INSC: variants seen among roughly 807,000 people sequenced by gnomAD.
INSC encodes INSC spindle orientation adaptor protein, also known as protein inscuteable homolog.
In INSC, 67 loss-of-function variants were observed where a neutral mutation model predicts 58.6. That is an observed-to-expected ratio of 1.14 (90% CI 0.94 to 1.40). The LOEUF (loss-of-function observed/expected upper bound fraction) is 1.40. INSC is among the 40% of genes most tolerant of loss of function. The pLI is 0.00. For synonymous variants in INSC, 262 were observed against 276.1 expected, an observed-to-expected ratio of 0.95 and a Z score of 0.51; for missense variants, 714 against 692.0, an observed-to-expected ratio of 1.03 and a Z score of -0.36.
intron 11 of INSC, 95 bp from the exon 12 acceptor site, chr11:15,240,352 T>C (rs574814144): frequency 5.9e-5 from 62 of 1,056,028 alleles, no homozygotes; most frequent in Non-Finnish European, 8.5e-5. Flanking sequence ...TCCCCTTCTC[T>C]GGCAGATTGG....
chr11:15,255,734 GTA>G, the INSC span, among the ~76,000 whole-genome samples: 888 of 129,966 alleles, frequency 6.8e-3, 11 homozygotes, highest in African/African-American at 0.021. Flanking sequence ...GTAAGTGTGT[GTA>G]TGTGTGTGTG....
At chr11:15,254,599 G>A in the INSC span, among the ~76,000 whole-genome samples, 2 of 152,154 alleles carry the variant, frequency 1.3e-5, no homozygotes, top group Admixed American at 6.6e-5. Context: ...TAGTGCCTTA[G>A]GCATAGGATT....
chr11:15,143,039 T>C (rs1039418132), intron 1 of INSC, among the ~76,000 whole-genome samples: 1 of 152,114 alleles, frequency 6.6e-6, no homozygotes, highest in Non-Finnish European at 1.5e-5. Context: ...GAAGCTGAGC[T>C]TCCTTCCACA....
At chr11:15,266,230 A>G in the INSC span, among the ~76,000 whole-genome samples, 1 of 151,866 alleles carries the variant, frequency 6.6e-6, no homozygotes, top group Non-Finnish European at 1.5e-5. Context: ...CTAGAATAAG[A>G]TCAAGATCAA....
rs954670694 is a variant in INSC, at chr11:15,190,626, A to C, written c.580-75A>C. ...TGGTTGCTGTTAGGAGCATGGGCCC[A>C]CTGGTGTTCCACTAAGATGAGCAGA... On this transcript the variant is annotated intron_variant, in intron 5 of 12. Coordinates refer to ENST00000379556, the MANE Select transcript of INSC (RefSeq NM_001042536.3). 1.7e-5 allele frequency: 17 copies of C among 990,916 alleles called. No homozygotes were observed. The African/African-American group carries it at 2.7e-4, about 16-fold the overall frequency. The allele number at this position is 990,916 out of a possible 1,614,324, so 61.4% of individuals were successfully genotyped here.
chr11:15,238,790 C>T, intron 10 of INSC, 129 bp from the exon 11 acceptor site: 2 of 850,680 alleles, frequency 2.4e-6, no homozygotes, highest in South Asian at 3.6e-5. Flanking sequence ...CAGCTTCCTC[C>T]CTGTGGGTGA....
At chr11:15,134,114 A>T (rs1307420129) in intron 1 of INSC, among the ~76,000 whole-genome samples, 1 of 152,168 alleles carries the variant, frequency 6.6e-6, no homozygotes, top group Non-Finnish European at 1.5e-5. Flanking sequence ...TAAAATGGGG[A>T]TAATAGTAGT....
chr11:15,194,291 G>A (rs1055770028), intron 6 of INSC, among the ~76,000 whole-genome samples: 1 of 152,154 alleles, frequency 6.6e-6, no homozygotes, highest in Non-Finnish European at 1.5e-5. Flanking sequence ...ATGTCCTTCG[G>A]TAGACTTAAG....
At chr11:15,215,819 ACCT>A (rs1418842698) in intron 7 of INSC, among the ~76,000 whole-genome samples, 7 of 152,000 alleles carry the variant, frequency 4.6e-5, no homozygotes, top group African/African-American at 1.7e-4. Flanking sequence ...AACAGAGATG[ACCT>A]CTTCTGGGTG....
chr11:15,114,128 G>GA (rs1847635425), upstream of INSC, among the ~76,000 whole-genome samples: 1 of 151,574 alleles, frequency 6.6e-6, no homozygotes, highest in African/African-American at 2.4e-5. Flanking sequence ...GGAGGCGGGG[G>GA]AGGGGGAGTT....
chr11:15,127,438 C>T (rs1436154320), intron 1 of INSC, among the ~76,000 whole-genome samples: 1 of 152,136 alleles, frequency 6.6e-6, no homozygotes, highest in Non-Finnish European at 1.5e-5. Context: ...CTTGAAAAGT[C>T]AGAGGGATTT....
chr11:15,161,661 G>A (rs941771317), intron 2 of INSC, among the ~76,000 whole-genome samples: 1 of 152,204 alleles, frequency 6.6e-6, no homozygotes, highest in Non-Finnish European at 1.5e-5. Context: ...AAATGCTGGG[G>A]CAGGATTTAC....
intron 6 of INSC, among the ~76,000 whole-genome samples, chr11:15,197,776 C>T (rs550529145): frequency 6.6e-6 from 1 of 152,296 alleles, no homozygotes; most frequent in Non-Finnish European, 1.5e-5. Context: ...AAAATTATCC[C>T]CCCCACCAAT....
chr11:15,200,866 A>G lies in INSC; in HGVS notation c.736A>G (p.Ser246Gly), dbSNP rs375629663. 5 of 1,613,996 alleles carry G rather than the reference A, an allele frequency of 3.1e-6. No individual in the cohort carries two copies. The East Asian group carries it at 6.7e-5, about 22-fold the overall frequency. The change falls in exon 7 of 13, where the codon AGT (serine) becomes GGT (glycine). Residue 246 changes from serine (S) to glycine (G), a missense_variant. Transcript: ENST00000379556. Reference protein sequence around the residue: ...VALFKVCRQDSFRCLYPQALR... With the variant: ...VALFKVCRQDGFRCLYPQALR... Reference sequence around the variant, plus strand: ...ACTCTTCAAGGTTTGCCGGCAGGACAGTTTCCGGTGCTTGTACCCCCAGGC... The same window carrying G: ...ACTCTTCAAGGTTTGCCGGCAGGACGGTTTCCGGTGCTTGTACCCCCAGGC...
intron 12 of INSC, among the ~76,000 whole-genome samples, chr11:15,243,344 C>T (rs72857795): frequency 2.0e-5 from 3 of 152,246 alleles, no homozygotes; most frequent in Admixed American, 1.3e-4. Context: ...TATTGTCTCC[C>T]CTGTCTGGGA....
intron 1 of INSC, among the ~76,000 whole-genome samples, chr11:15,142,426 T>C (rs986067319): frequency 6.6e-6 from 1 of 152,236 alleles, no homozygotes; most frequent in Non-Finnish European, 1.5e-5. Flanking sequence ...CTCTTCCTTT[T>C]AGCCTCCTTT....
chr11:15,202,726 G>GCTA (rs1272975863), intron 7 of INSC, among the ~76,000 whole-genome samples: 2 of 152,194 alleles, frequency 1.3e-5, no homozygotes, highest in Non-Finnish European at 1.5e-5. Context: ...CGATTGTATG[G>GCTA]CTTTAGTGAG....
intron 2 of INSC, among the ~76,000 whole-genome samples, chr11:15,150,245 G>A (rs1848608047): frequency 6.6e-6 from 1 of 152,178 alleles, no homozygotes; most frequent in African/African-American, 2.4e-5. Flanking sequence ...CACAGAGAAG[G>A]CGCATGTGTA....
chr11:15,204,594 G>A (rs1261781668), intron 7 of INSC, among the ~76,000 whole-genome samples: 1 of 152,238 alleles, frequency 6.6e-6, no homozygotes, highest in African/African-American at 2.4e-5. Context: ...CAGTGTTGAG[G>A]ATGGAAGATG....
Sources: gnomAD v4.1 joint callset for allele counts (sites outside exome capture counted in the v4.1 genomes callset) on GRCh38, gnomAD v4.1.1 for gene constraint, MANE v1.5 for transcripts, NCBI Gene and HGNC (gene_info 2026-07-23, HGNC 2026-07-21) for gene names.